JDP2: variants seen among roughly 807,000 people sequenced by gnomAD.
JDP2 encodes progesterone receptor co-activator.
JDP2 carries 9 observed loss-of-function variants against 17.1 expected under a neutral mutation model. The ratio of observed to expected loss-of-function variants is 0.53; its 90% confidence interval spans 0.32 to 0.92. The LOEUF (loss-of-function observed/expected upper bound fraction) is 0.92. Among genes scored for constraint, JDP2 ranks in the 40% least tolerant of loss-of-function variants. The pLI, the probability that JDP2 is intolerant of heterozygous loss-of-function variation, is 0.04. For synonymous variants in JDP2, 107 were observed against 95.6 expected (o/e 1.12, Z -0.69); for missense variants, 179 against 220.0 (o/e 0.81, Z 1.18).
intron 3 of JDP2, among the ~76,000 whole-genome samples, chr14:75,468,896 C>T (rs754182439): frequency 1.1e-4 from 17 of 152,254 alleles, no homozygotes; most frequent in South Asian, 1.0e-3. Context: ...ATGCTTGCTC[C>T]GTAGACCTGC....
chr14:75,451,369 T>A (rs1234449838), intron 2 of JDP2, among the ~76,000 whole-genome samples: 1 of 147,830 alleles, frequency 6.8e-6, no homozygotes, highest in African/African-American at 2.5e-5. Flanking sequence ...ATTGGATGGC[T>A]GGCGTGATCA....
chr14:75,459,355 G>A (rs1244406068), intron 2 of JDP2, among the ~76,000 whole-genome samples: 2 of 152,256 alleles, frequency 1.3e-5, no homozygotes, highest in African/African-American at 4.8e-5. Context: ...TGTCACTTCT[G>A]GTTCAGTTTC....
chr14:75,445,154 C>G (rs1321618259), intron 2 of JDP2: 2 of 985,188 alleles, frequency 2.0e-6, no homozygotes, highest in Non-Finnish European at 2.4e-6. Context: ...GCTCATCTGG[C>G]TGAACAACTA....
intron 2 of JDP2, among the ~76,000 whole-genome samples, chr14:75,453,718 AG>A (rs977593112): frequency 3.3e-5 from 5 of 152,180 alleles, no homozygotes; most frequent in African/African-American, 1.2e-4. Flanking sequence ...GAGCTTCTGG[AG>A]GAACTCAGGT....
chr14:75,460,470 G>T (rs1292654273), intron 2 of JDP2, among the ~76,000 whole-genome samples: 4 of 152,192 alleles, frequency 2.6e-5, no homozygotes, highest in African/African-American at 4.8e-5. Flanking sequence ...TAAGAGGAGA[G>T]GACAAAGATA....
chr14:75,433,701 C>G (rs918524330), intron 1 of JDP2, among the ~76,000 whole-genome samples: 3 of 151,926 alleles, frequency 2.0e-5, no homozygotes, highest in Non-Finnish European at 2.9e-5. Flanking sequence ...TGATTCATGC[C>G]TTGCTAGTCA....
chr14:75,464,729 CAG>C, intron 3 of JDP2, among the ~76,000 whole-genome samples: 1 of 152,352 alleles, frequency 6.6e-6, no homozygotes, highest in South Asian at 2.1e-4. Context: ...AACTGCATCT[CAG>C]AGTTCGCCTG....
At chr14:75,436,218 T>C (rs1037487394) in intron 1 of JDP2, among the ~76,000 whole-genome samples, 3 of 151,274 alleles carry the variant, frequency 2.0e-5, no homozygotes, top group African/African-American at 7.4e-5. Context: ...TCTGGAATGA[T>C]CTAGACCTGG....
chr14:75,456,967 C>T (rs1886140131), intron 2 of JDP2, among the ~76,000 whole-genome samples: 1 of 152,214 alleles, frequency 6.6e-6, no homozygotes. Context: ...CAGCAGTACC[C>T]CTCACTGCCA....
At chr14:75,443,324 G>T (rs1436691905) in intron 2 of JDP2, among the ~76,000 whole-genome samples, 1 of 152,198 alleles carries the variant, frequency 6.6e-6, no homozygotes, top group African/African-American at 2.4e-5. Flanking sequence ...GATTTGAAAC[G>T]TAAAGGCAGC....
intron 2 of JDP2, among the ~76,000 whole-genome samples, chr14:75,458,351 GTGT>G (rs1252783202): frequency 1.3e-5 from 2 of 151,758 alleles, no homozygotes; most frequent in Non-Finnish European, 2.9e-5. Context: ...GCCCCAGTGT[GTGT>G]TGTTCCTCTC....
At chr14:75,451,438 A>AC (rs1471243002) in intron 2 of JDP2, among the ~76,000 whole-genome samples, 1 of 152,182 alleles carries the variant, frequency 6.6e-6, no homozygotes, top group Non-Finnish European at 1.5e-5. Flanking sequence ...GCCCTCAGGG[A>AC]CATCCACGTT....
intron 1 of JDP2, among the ~76,000 whole-genome samples, chr14:75,435,272 C>T (rs1251224161): frequency 1.3e-5 from 2 of 152,200 alleles, no homozygotes; most frequent in Non-Finnish European, 2.9e-5. Flanking sequence ...CCACTAGGCT[C>T]CAGTCCAGCT....
intron 2 of JDP2, among the ~76,000 whole-genome samples, chr14:75,440,354 A>C (rs946289768): frequency 2.0e-5 from 3 of 152,234 alleles, no homozygotes; most frequent in Admixed American, 2.0e-4. Context: ...AGGGGCGGGA[A>C]GAGCTAATTC....
intron 1 of JDP2, among the ~76,000 whole-genome samples, chr14:75,437,453 C>G (rs1423128903): frequency 2.6e-5 from 4 of 152,218 alleles, no homozygotes. Context: ...ATAATTCGCT[C>G]TCTTCAGAGA....
intron 3 of JDP2, among the ~76,000 whole-genome samples, chr14:75,464,922 A>T (rs574482930): frequency 2.6e-5 from 4 of 152,160 alleles, no homozygotes; most frequent in African/African-American, 4.8e-5. Flanking sequence ...GTCCTAACCC[A>T]GGTTCTCTAG....
intron 2 of JDP2, chr14:75,445,750 AT>A: frequency 4.1e-6 from 1 of 244,970 alleles, no homozygotes; most frequent in Non-Finnish European, 6.5e-6. Context: ...GTGACCTTGG[AT>A]TAGGTAGTGG....
In JDP2 at chr14:75,469,424, G is replaced by T. The variant is rs756800251; in HGVS notation, c.441G>T (p.Lys147Asn). Residue 147 changes from lysine (K) to asparagine (N), a missense_variant, in exon 4 of 4, where the codon AAG becomes AAT. Coordinates refer to ENST00000651602, the MANE Select transcript of JDP2 (RefSeq NM_001135048.2). ...GCATCGTCCGGACCGACAGTGTCAAGACCCCCGAGTCAGAAGGCAACCCAC... is the reference window on the plus strand; with the variant it reads ...GCATCGTCCGGACCGACAGTGTCAATACCCCCGAGTCAGAAGGCAACCCAC... ...PTCIVRTDSVKTPESEGNPLL... is the reference protein window; with the variant it reads ...PTCIVRTDSVNTPESEGNPLL... 6.2e-7 allele frequency: 1 copy of T among 1,614,148 alleles called. No homozygotes were observed. The highest frequency in any genetic ancestry group is 1.7e-5 in the Admixed American group (1 of 60,020).
chr14:75,469,679 G>A lies in JDP2; in HGVS notation c.*204G>A. The A allele has an allele frequency of 1.7e-6, 1 of 574,346 alleles. No individual in the cohort carries two copies. Among genetic ancestry groups the A allele is most frequent in the Non-Finnish European group, 3.1e-6 (1 of 325,260 alleles). The allele number at this position is 574,346 out of a possible 1,614,324, so 35.6% of individuals were successfully genotyped here. The stretch of plus-strand genomic sequence containing the variant: ...AAGAGCGGGCTGAGGAAACCCAGAG[G>A]GACCAAGCGCTGAGACCAAAGTTGA... On this transcript the variant is annotated 3_prime_UTR_variant, in exon 4 of 4. Coordinates refer to ENST00000651602, the MANE Select transcript of JDP2 (RefSeq NM_001135048.2).
Sources: gnomAD v4.1 joint callset for allele counts (sites outside exome capture counted in the v4.1 genomes callset) on GRCh38, gnomAD v4.1.1 for gene constraint, MANE v1.5 for transcripts, NCBI Gene and HGNC (gene_info 2026-07-23, HGNC 2026-07-21) for gene names.